Variants in BRINP2 observed in about 807,000 individuals in gnomAD.
BRINP2 encodes the protein BMP/retinoic acid inducible neural specific 2, also known as BMP/retinoic acid-inducible neural-specific protein 2.
A neutral mutation model predicts 69.2 loss-of-function variants in BRINP2; 21 were observed. That is an observed-to-expected ratio of 0.30 (90% CI 0.22 to 0.44). The LOEUF is 0.44. Ranked by LOEUF, BRINP2 falls within the 20% of genes least tolerant of loss-of-function variation. The pLI is 1.00. For missense variants in BRINP2, 877 were observed against 986.0 expected, an observed-to-expected ratio of 0.89 and a Z score of 1.48; for synonymous variants, 380 against 394.1, an observed-to-expected ratio of 0.96 and a Z score of 0.42.
At chr1:177,248,175 G>C (rs1277475687) in intron 2 of BRINP2, among the ~76,000 whole-genome samples, 1 of 152,176 alleles carries the variant, frequency 6.6e-6, no homozygotes, top group Non-Finnish European at 1.5e-5. Context: ...ATTCATTACA[G>C]GTTGAGTATC....
At chr1:177,272,183 C>T (rs538545570) in intron 4 of BRINP2, among the ~76,000 whole-genome samples, 1 of 152,268 alleles carries the variant, frequency 6.6e-6, no homozygotes, top group African/African-American at 2.4e-5. Context: ...CAGATGGTGC[C>T]TCTTCTGCTA....
At chr1:177,234,688 A>G (rs1246646479) in intron 2 of BRINP2, among the ~76,000 whole-genome samples, 1 of 152,208 alleles carries the variant, frequency 6.6e-6, no homozygotes, top group Non-Finnish European at 1.5e-5. Context: ...GGAATTCCAA[A>G]ATATTGACCT....
chr1:177,269,267 C>T (rs1321416795), intron 4 of BRINP2, among the ~76,000 whole-genome samples: 1 of 152,208 alleles, frequency 6.6e-6, no homozygotes, highest in East Asian at 1.9e-4. Flanking sequence ...TTGGCTCTGC[C>T]ATAGGGTTGG....
At chr1:177,238,834 A>G (rs982271544) in intron 2 of BRINP2, among the ~76,000 whole-genome samples, 1 of 152,384 alleles carries the variant, frequency 6.6e-6, no homozygotes, top group Middle Eastern at 3.4e-3. Context: ...AGTAGCTAAT[A>G]TATATTAAAT....
rs1404649975 is a variant in BRINP2, at chr1:177,257,371, C to T, written c.656C>T (p.Thr219Met). The T allele has an allele frequency of 4.3e-6, 7 of 1,609,728 alleles. No homozygotes were observed. Among genetic ancestry groups the T allele is most frequent in the Non-Finnish European group, 2.5e-6 (3 of 1,177,154 alleles). Reference sequence around the variant, plus strand: ...CGGCTGCACCATATCCAGATAGCCACGGGGGCCATCAAGGTAATGACCTGA... The same window carrying T: ...CGGCTGCACCATATCCAGATAGCCATGGGGGCCATCAAGGTAATGACCTGA... Reference protein sequence around the residue: ...LRRLHHIQIATGAIKVTETRT... With the variant: ...LRRLHHIQIAMGAIKVTETRT... The change falls in exon 4 of 8, where the codon ACG (threonine) becomes ATG (methionine). Residue 219 changes from threonine to methionine, a missense_variant. Physicochemically the swap from Thr to Met is moderately conservative, Grantham distance 81 (BLOSUM62 -1). Coordinates refer to ENST00000361539, the MANE Select transcript of BRINP2 (RefSeq NM_021165.4).
intron 1 of BRINP2, among the ~76,000 whole-genome samples, chr1:177,211,597 C>T (rs999788075): frequency 6.6e-6 from 1 of 152,110 alleles, no homozygotes; most frequent in Non-Finnish European, 1.5e-5. Flanking sequence ...TCGTTCTGTC[C>T]AGCCCTGTGT....
chr1:177,206,509 T>C lies in BRINP2; in HGVS notation c.-76-23292T>C, dbSNP rs570340021. Among the ~76,000 whole-genome samples the C allele has an allele frequency of 2.0e-5, 3 of 152,308 alleles. No homozygotes were observed. The South Asian group carries it at 6.2e-4, about 32-fold the overall frequency. ...AATAATTGTCCAGATGTAGACTTGC[T>C]AGGTGAAAGGAGATGCAGAACTCTG... On this transcript the variant is annotated intron_variant, in intron 1 of 7. Transcript: ENST00000361539.
chr1:177,180,419 A>G (rs1181258937), intron 1 of BRINP2, among the ~76,000 whole-genome samples: 4 of 152,196 alleles, frequency 2.6e-5, no homozygotes, highest in Non-Finnish European at 5.9e-5. Flanking sequence ...ACCCCCACCT[A>G]GTAAAATGGA....
At chr1:177,251,371 G>A (rs10798507) in intron 2 of BRINP2, among the ~76,000 whole-genome samples, 51,596 of 152,088 alleles carry the variant, frequency 0.34, 9,674 homozygotes, top group South Asian at 0.54. Flanking sequence ...TTGTGTTAAA[G>A]GATACTAAAC....
intron 1 of BRINP2, among the ~76,000 whole-genome samples, chr1:177,213,384 T>C (rs949038292): frequency 6.6e-6 from 1 of 152,220 alleles, no homozygotes; most frequent in South Asian, 2.1e-4. Context: ...TCTCTAGATA[T>C]TGCTAAAGGT....
intron 1 of BRINP2, among the ~76,000 whole-genome samples, chr1:177,218,412 G>A (rs761190251): frequency 3.3e-5 from 5 of 152,138 alleles, no homozygotes; most frequent in Admixed American, 6.5e-5. Flanking sequence ...GATTGAGCAC[G>A]ACTAGTGGCA....
At chr1:177,226,515 T>A (rs1649697205) in intron 1 of BRINP2, among the ~76,000 whole-genome samples, 1 of 152,192 alleles carries the variant, frequency 6.6e-6, no homozygotes. Flanking sequence ...TGGGAGAGCC[T>A]ACAGTTATCT....
rs1651679977 is a variant in BRINP2 at position 177,280,982 on chromosome 1, C to G, written c.1806C>G (p.Phe602Leu). 1 of 1,614,052 alleles carries G rather than the reference C, an allele frequency of 6.2e-7. No individual in the cohort carries two copies. Among genetic ancestry groups the G allele is most frequent in the Non-Finnish European group, 8.5e-7 (1 of 1,180,024 alleles). The part of the protein sequence containing the change: ...PFGGSHSESW[F>L]MPVNEGSFPD... ...GGGGCAGCCACTCTGAGAGCTGGTT[C>G]ATGCCTGTGAATGAGGGCAGCTTTC... Residue 602 changes from phenylalanine (F) to leucine (L), a missense_variant, in exon 8 of 8, where the codon TTC becomes TTG. By Grantham distance (22) the Phe-to-Leu change is conservative. Around this residue, in one of 3 missense-constraint regions of BRINP2, gnomAD observed 86 missense variants for 142.1 expected, o/e 0.61. Coordinates refer to ENST00000361539, the MANE Select transcript of BRINP2 (RefSeq NM_021165.4).
chr1:177,205,140 T>G (rs1180319773), intron 1 of BRINP2, among the ~76,000 whole-genome samples: 3 of 152,124 alleles, frequency 2.0e-5, no homozygotes, highest in Non-Finnish European at 2.9e-5. Context: ...TCACCTATAC[T>G]TTTTTTGTTT....
rs570629672 is a variant in BRINP2, at chr1:177,262,589, G to C, written c.669+5205G>C. Among the ~76,000 whole-genome samples the C allele has an allele frequency of 7.9e-5, 12 of 151,996 alleles. 1 individual carries two copies. In the South Asian group the frequency reaches 2.5e-3, roughly 32 times the overall value. ...CAGAAGATAATCATAGGAGCAAAGA[G>C]GTTGTTCTTACCCAGGAACTTGAGT... On this transcript the variant is annotated intron_variant, in intron 4 of 7. Transcript: ENST00000361539.
chr1:177,186,565 G>A (rs943812060), intron 1 of BRINP2, among the ~76,000 whole-genome samples: 6 of 152,188 alleles, frequency 3.9e-5, no homozygotes, highest in Middle Eastern at 3.4e-3. Context: ...TGCCTTCAAA[G>A]ATACTTATGT....
intron 1 of BRINP2, among the ~76,000 whole-genome samples, chr1:177,187,340 C>A (rs938770487): frequency 3.9e-5 from 6 of 152,192 alleles, no homozygotes; most frequent in African/African-American, 1.4e-4. Context: ...ACTATCTGGT[C>A]TTGGTCCTTG....
chr1:177,276,480 G>C, intron 6 of BRINP2, 46 bp downstream of exon 6: 3 of 1,564,484 alleles, frequency 1.9e-6, no homozygotes, highest in Non-Finnish European at 2.6e-6. Context: ...TGGCTGTGAG[G>C]TACAGAGCAA....
chr1:177,264,961 T>A (rs188457704), intron 4 of BRINP2, among the ~76,000 whole-genome samples: 37 of 152,252 alleles, frequency 2.4e-4, no homozygotes, highest in African/African-American at 7.2e-4. Context: ...CTACTTTAAA[T>A]TTCATATGGA....
Sources: gnomAD v4.1 joint callset for allele counts (sites outside exome capture counted in the v4.1 genomes callset) on GRCh38, gnomAD v4.1.1 for gene constraint, gnomAD v4.1.1 regional missense constraint, MANE v1.5 for transcripts, NCBI Gene and HGNC (gene_info 2026-07-23, HGNC 2026-07-21) for gene names.